The following RBFOX1 variants were observed in gnomAD, a reference collection of about 807,000 sequenced individuals.
The protein encoded by RBFOX1 is RNA binding protein fox-1 homolog 1.
A neutral mutation model predicts 57.7 loss-of-function variants in RBFOX1; 8 were observed. That is an observed-to-expected ratio of 0.14 (90% CI 0.08 to 0.25). The LOEUF (loss-of-function observed/expected upper bound fraction) is 0.25, where lower values mean the gene tolerates loss of function less well. Among genes scored for constraint, RBFOX1 ranks in the 10% least tolerant of loss-of-function variants. The pLI is 1.00. For missense variants in RBFOX1, 611 were observed against 548.5 expected (o/e 1.11, Z -1.14); for synonymous variants, 326 against 222.4 (o/e 1.47, Z -4.15).
At chr16:7,406,155 CTG>C (rs1222907594) in intron 4 of RBFOX1, among the ~76,000 whole-genome samples, 1 of 152,168 alleles carries the variant, frequency 6.6e-6, no homozygotes, top group Non-Finnish European at 1.5e-5. Context: ...ATCTTTGAAA[CTG>C]TGGTTTTTCC....
intron 1 of RBFOX1, among the ~76,000 whole-genome samples, chr16:6,089,335 T>C (rs1028061331): frequency 6.6e-6 from 1 of 151,994 alleles, no homozygotes; most frequent in Non-Finnish European, 1.5e-5. Flanking sequence ...TTAGGAGACA[T>C]CAGTTCTGGT....
At chr16:7,220,351 C>T (rs1455577482) in intron 4 of RBFOX1, among the ~76,000 whole-genome samples, 3 of 152,192 alleles carry the variant, frequency 2.0e-5, no homozygotes, top group African/African-American at 7.2e-5. Flanking sequence ...ATTCATGCAA[C>T]ATGGCCCCAA....
intron 2 of RBFOX1, among the ~76,000 whole-genome samples, chr16:6,643,998 C>A (rs1238315084): frequency 6.6e-6 from 1 of 152,238 alleles, no homozygotes; most frequent in East Asian, 1.9e-4. Context: ...TGGTAGCATG[C>A]ACCTGTAATC....
At chr16:7,484,023 G>A (rs1464063187) in intron 4 of RBFOX1, among the ~76,000 whole-genome samples, 4 of 151,940 alleles carry the variant, frequency 2.6e-5, no homozygotes, top group African/African-American at 9.7e-5. Flanking sequence ...CCTAACCCCT[G>A]GCAAGTATTA....
intron 2 of RBFOX1, among the ~76,000 whole-genome samples, chr16:6,498,959 C>T (rs1237301932): frequency 6.6e-6 from 1 of 152,084 alleles, no homozygotes; most frequent in African/African-American, 2.4e-5. Context: ...TCCAATACAC[C>T]CCATTGGCAA....
At chr16:6,082,661 T>C (rs1288410151) in intron 1 of RBFOX1, among the ~76,000 whole-genome samples, 2 of 152,120 alleles carry the variant, frequency 1.3e-5, no homozygotes, top group Admixed American at 6.5e-5. Context: ...GACGGAATGA[T>C]AAGCTTTGCT....
At chr16:6,056,801 T>G (rs2152449138) in intron 1 of RBFOX1, among the ~76,000 whole-genome samples, 1 of 152,118 alleles carries the variant, frequency 6.6e-6, no homozygotes, top group South Asian at 2.1e-4. Flanking sequence ...TGATAAATAT[T>G]TGAGACACTG....
intron 2 of RBFOX1, chr16:5,467,389 C>T (rs2068987115): frequency 1.0e-5 from 8 of 778,520 alleles, no homozygotes; most frequent in African/African-American, 7.1e-5. Flanking sequence ...CAGCACAGTT[C>T]ATCCCTTAGC....
chr16:6,612,790 T>G (rs1365101246), intron 2 of RBFOX1, among the ~76,000 whole-genome samples: 3 of 149,086 alleles, frequency 2.0e-5, no homozygotes, highest in South Asian at 4.2e-4. Flanking sequence ...AGGTGGAGAC[T>G]GCAGTGAGCC....
intron 3 of RBFOX1, among the ~76,000 whole-genome samples, chr16:6,883,420 T>C (rs962802010): frequency 1.3e-5 from 2 of 152,190 alleles, no homozygotes; most frequent in South Asian, 4.1e-4. Context: ...ACTTAATTAA[T>C]GTGTTGGTTC....
At chr16:6,229,396 T>C (rs2097441622) in intron 1 of RBFOX1, among the ~76,000 whole-genome samples, 1 of 151,920 alleles carries the variant, frequency 6.6e-6, no homozygotes, top group Admixed American at 6.6e-5. Context: ...GTGGATCTCG[T>C]TTTCCCCCTA....
intron 4 of RBFOX1, among the ~76,000 whole-genome samples, chr16:7,398,073 A>C (rs745492138): frequency 2.0e-5 from 3 of 152,118 alleles, no homozygotes; most frequent in African/African-American, 7.2e-5. Context: ...CAGTTGCTCT[A>C]TTTCCTGGGT....
intron 11 of RBFOX1, among the ~76,000 whole-genome samples, chr16:7,638,411 A>G (rs1473169395): frequency 3.9e-5 from 2 of 51,560 alleles, no homozygotes; most frequent in African/African-American, 1.0e-4. Flanking sequence ...CTTCTTCACT[A>G]CTCTCTCAAC....
intron 1 of RBFOX1, among the ~76,000 whole-genome samples, chr16:5,439,648 G>T (rs1482118973): frequency 6.6e-6 from 1 of 152,100 alleles, no homozygotes; most frequent in Non-Finnish European, 1.5e-5. Flanking sequence ...CCTTTAATGA[G>T]ATGAGAAAGA....
intron 3 of RBFOX1, among the ~76,000 whole-genome samples, chr16:6,675,228 A>G (rs1385984427): frequency 1.3e-5 from 2 of 152,180 alleles, no homozygotes; most frequent in African/African-American, 4.8e-5. Context: ...TAAGCAACCC[A>G]GGTTGTGGTG....
rs551231551 is a variant in RBFOX1 at position 6,151,066 on chromosome 16, G to T, written c.-127+131074G>T. ...GAAATCTACAAGATCCTACTAGAAC[G>T]TCAGGTCTGAAGGGCAGGACTATGA... On this transcript the variant is annotated intron_variant, in intron 1 of 15. Transcript: ENST00000550418. 2.6e-5 allele frequency among the ~76,000 whole-genome samples: 4 copies of T among 152,182 alleles called. No individual in the cohort carries two copies. In the South Asian group the frequency reaches 8.3e-4, roughly 32 times the overall value.
intron 2 of RBFOX1, among the ~76,000 whole-genome samples, chr16:6,434,893 G>C (rs931838288): frequency 1.3e-5 from 2 of 152,166 alleles, no homozygotes; most frequent in Non-Finnish European, 2.9e-5. Flanking sequence ...CACCCCAGGA[G>C]GTTAAATGAT....
chr16:7,168,861 T>C (rs2080108949), intron 4 of RBFOX1, among the ~76,000 whole-genome samples: 1 of 152,210 alleles, frequency 6.6e-6, no homozygotes, highest in Non-Finnish European at 1.5e-5. Flanking sequence ...CAAATATACT[T>C]TCAAATAGGA....
intron 4 of RBFOX1, among the ~76,000 whole-genome samples, chr16:5,912,987 A>G (rs2058634899): frequency 6.6e-6 from 1 of 152,170 alleles, no homozygotes; most frequent in Non-Finnish European, 1.5e-5. Flanking sequence ...GACTCAGGAT[A>G]AAAGTTCTCT....
Sources: allele counts gnomAD v4.1 joint callset (sites outside exome capture counted in the v4.1 genomes callset), GRCh38; gene constraint gnomAD v4.1.1; transcripts MANE v1.5; gene names NCBI Gene and HGNC (gene_info 2026-07-23, HGNC 2026-07-21).